RNLS: variants seen among roughly 807,000 people sequenced by gnomAD.
RNLS encodes renalase, FAD dependent amine oxidase, also known as renalase.
RNLS carries 39 observed loss-of-function variants against 39.8 expected under a neutral mutation model. The ratio of observed to expected loss-of-function variants is 0.98; its 90% CI spans 0.76 to 1.28. RNLS has a LOEUF of 1.28. Ranked by LOEUF, RNLS falls within the 50% of genes most tolerant of loss-of-function variation. The probability of loss-of-function intolerance (pLI) is 0.00; values close to 1 mark genes in which losing one functional copy is unlikely to be tolerated. For missense variants in RNLS, 410 were observed against 413.3 expected, an observed-to-expected ratio of 0.99 and a Z score of 0.07; for synonymous variants, 147 against 150.7, an observed-to-expected ratio of 0.98 and a Z score of 0.18.
chr10:88,531,355 CTTTTAGATAAGTTGTATG>C (rs998911342), intron 4 of RNLS, among the ~76,000 whole-genome samples: 1 of 150,530 alleles, frequency 6.6e-6, no homozygotes, highest in Non-Finnish European at 1.5e-5. Flanking sequence ...TTAAACTCAT[CTTTTAGATAAGTTGTATG>C]TATTTTCATT....
At chr10:88,356,794 G>C (rs1849226397) in intron 5 of RNLS, among the ~76,000 whole-genome samples, 2 of 135,808 alleles carry the variant, frequency 1.5e-5, no homozygotes, top group South Asian at 4.8e-4. Context: ...AATTCAGATA[G>C]ATTGTCTTAA....
At chr10:88,233,213 A>T in the RNLS span, among the ~76,000 whole-genome samples, 1 of 152,226 alleles carries the variant, frequency 6.6e-6, no homozygotes, top group Non-Finnish European at 1.5e-5. Context: ...AAATCCAAGA[A>T]ACAATCCAAT....
the RNLS span, among the ~76,000 whole-genome samples, chr10:88,232,601 AGACTTCT>A: frequency 6.6e-6 from 1 of 152,218 alleles, no homozygotes; most frequent in Non-Finnish European, 1.5e-5. Context: ...TTCTTAAAGT[AGACTTCT>A]GACTCCTAAC....
At chr10:88,369,163 A>G (rs1160089321) in intron 4 of RNLS, among the ~76,000 whole-genome samples, 1 of 152,128 alleles carries the variant, frequency 6.6e-6, no homozygotes, top group Non-Finnish European at 1.5e-5. Context: ...ACTTTTTAGT[A>G]TTGCATATAT....
At chr10:88,322,673 T>C (rs1259104885) in intron 5 of RNLS, among the ~76,000 whole-genome samples, 1 of 152,176 alleles carries the variant, frequency 6.6e-6, no homozygotes, top group East Asian at 1.9e-4. Flanking sequence ...TCTCTGGCAG[T>C]TCTTTATAGC....
downstream of RNLS, among the ~76,000 whole-genome samples, chr10:88,283,441 T>C (rs1441421798): frequency 6.6e-6 from 1 of 152,098 alleles, no homozygotes; most frequent in African/African-American, 2.4e-5. Flanking sequence ...AGGACATAAA[T>C]TCATAAAACA....
chr10:88,435,386 A>C lies in RNLS; in HGVS notation c.527-72661T>G, dbSNP rs147835365. 3.9e-3 allele frequency among the ~76,000 whole-genome samples: 600 copies of C among 152,250 alleles called. 5 individuals carry two copies. Among genetic ancestry groups the C allele is most frequent in the African/African-American group, 0.013 (522 of 41,534 alleles). On this transcript the variant is annotated intron_variant, in intron 4 of 6. Coordinates refer to ENST00000331772, the MANE Select transcript of RNLS (RefSeq NM_001031709.3). ...CTTCTCCATACCACCCCCACCAAGA[A>C]GATTTCCAAAAGCTAAGAGACAGAA... is the stretch of plus-strand genomic sequence containing the variant.
At chr10:88,234,584 A>G in the RNLS span, among the ~76,000 whole-genome samples, 1 of 152,178 alleles carries the variant, frequency 6.6e-6, no homozygotes, top group East Asian at 1.9e-4. Flanking sequence ...AGGGCCTGGT[A>G]GCCAGGGTGG....
At chr10:88,339,592 T>C (rs560979404) in intron 5 of RNLS, among the ~76,000 whole-genome samples, 1 of 152,302 alleles carries the variant, frequency 6.6e-6, no homozygotes, top group Non-Finnish European at 1.5e-5. Context: ...TAAAATGCAA[T>C]AAAACATGTA....
intron 3 of RNLS, among the ~76,000 whole-genome samples, chr10:88,574,373 A>G (rs1191484956): frequency 6.6e-6 from 1 of 152,188 alleles, no homozygotes; most frequent in East Asian, 1.9e-4. Flanking sequence ...GTCACTAAAA[A>G]TCCAGCTAAA....
chr10:88,557,455 A>T (rs1282673445), intron 4 of RNLS, among the ~76,000 whole-genome samples: 1 of 152,216 alleles, frequency 6.6e-6, no homozygotes, highest in Non-Finnish European at 1.5e-5. Context: ...AGGACTTCAG[A>T]AGAATGACGG....
intron 6 of RNLS, among the ~76,000 whole-genome samples, chr10:88,288,289 G>A (rs532438885): frequency 2.6e-5 from 4 of 152,160 alleles, no homozygotes; most frequent in African/African-American, 7.2e-5. Context: ...GCCCAAAGAC[G>A]GAAAGTCAGT....
At chr10:88,457,035 A>G (rs1460596616) in intron 4 of RNLS, among the ~76,000 whole-genome samples, 1 of 152,186 alleles carries the variant, frequency 6.6e-6, no homozygotes, top group Non-Finnish European at 1.5e-5. Context: ...TCCTCCACCC[A>G]CATTTTTTAA....
chr10:88,416,793 A>C (rs922754861), intron 4 of RNLS, among the ~76,000 whole-genome samples: 2 of 152,144 alleles, frequency 1.3e-5, no homozygotes, highest in African/African-American at 2.4e-5. Flanking sequence ...CAATTTTACA[A>C]ATATCCTATT....
the RNLS span, among the ~76,000 whole-genome samples, chr10:88,230,300 G>T: frequency 6.6e-6 from 1 of 152,036 alleles, no homozygotes; most frequent in African/African-American, 2.4e-5. Context: ...AATTTTTTTT[G>T]TAGTTCTGAA....
chr10:88,362,109 G>A (rs1849687397), intron 5 of RNLS, among the ~76,000 whole-genome samples: 1 of 151,948 alleles, frequency 6.6e-6, no homozygotes. Flanking sequence ...ATATTGAAAT[G>A]AAGGATTTTC....
the RNLS span, among the ~76,000 whole-genome samples, chr10:88,257,460 G>T: frequency 2.6e-5 from 4 of 152,196 alleles, no homozygotes; most frequent in South Asian, 6.2e-4. Flanking sequence ...AATACCCTCA[G>T]AGGAGGTTGA....
At chr10:88,339,383 GA>G in intron 5 of RNLS, among the ~76,000 whole-genome samples, 1 of 152,192 alleles carries the variant, frequency 6.6e-6, no homozygotes, top group East Asian at 1.9e-4. Context: ...AGGTGGTGGG[GA>G]AAGAAGTAAG....
At chr10:88,527,196 G>A (rs932192086) in intron 4 of RNLS, among the ~76,000 whole-genome samples, 3 of 152,048 alleles carry the variant, frequency 2.0e-5, no homozygotes, top group Non-Finnish European at 4.4e-5. Flanking sequence ...AGGCACTCTC[G>A]CCTCCCCAGC....
Sources: gnomAD v4.1 joint callset for allele counts (sites outside exome capture counted in the v4.1 genomes callset) on GRCh38, gnomAD v4.1.1 for gene constraint, MANE v1.5 for transcripts, NCBI Gene and HGNC (gene_info 2026-07-23, HGNC 2026-07-21) for gene names.